The following C1QTNF1 variants were observed in gnomAD, a reference collection of about 807,000 sequenced individuals.
C1QTNF1 encodes the protein C1q and TNF related 1, also known as complement C1q tumor necrosis factor-related protein 1.
Under a neutral mutation model 27.8 loss-of-function variants are expected in C1QTNF1, and 22 were observed. The observed-to-expected ratio is 0.79, with a 90% CI of 0.56 to 1.13. The LOEUF (loss-of-function observed/expected upper bound fraction) is 1.13, where lower values mean the gene tolerates loss of function less well. C1QTNF1 is among the 50% of genes most tolerant of loss of function. The pLI is 0.00. For synonymous variants in C1QTNF1, 166 were observed against 154.3 expected, an observed-to-expected ratio of 1.08 and a Z score of -0.56; for missense variants, 373 against 380.2, an observed-to-expected ratio of 0.98 and a Z score of 0.16.
chr17:79,033,627 G>A (rs1367826327), intron 1 of C1QTNF1, among the ~76,000 whole-genome samples: 1 of 151,872 alleles, frequency 6.6e-6, no homozygotes, highest in African/African-American at 2.4e-5. Flanking sequence ...GATCACTTGG[G>A]TCCAAGGGTT....
intron 1 of C1QTNF1, among the ~76,000 whole-genome samples, chr17:79,035,286 G>C (rs1455242721): frequency 6.6e-6 from 1 of 152,134 alleles, no homozygotes; most frequent in Non-Finnish European, 1.5e-5. Context: ...AGCCGAGGGG[G>C]AGTGGACTCA....
intron 1 of C1QTNF1, among the ~76,000 whole-genome samples, chr17:79,036,619 G>A (rs775002084): frequency 6.6e-6 from 1 of 152,146 alleles, no homozygotes; most frequent in Non-Finnish European, 1.5e-5. Flanking sequence ...GTTCTAGAAT[G>A]TTACCCACTT....
At chr17:79,037,535 A>G (rs548369669) in intron 1 of C1QTNF1, among the ~76,000 whole-genome samples, 1 of 152,312 alleles carries the variant, frequency 6.6e-6, no homozygotes, top group East Asian at 1.9e-4. Flanking sequence ...AAGTGCTGGG[A>G]TTACAGGCGT....
Position 79,044,101 on chromosome 17 carries a change from T to C in C1QTNF1, c.133T>C (p.Ser45Pro). The change falls in exon 2 of 4, where the codon TCG (serine) becomes CCG (proline). Residue 45 changes from serine (S) to proline (P), a missense_variant. Physicochemically the swap from Ser to Pro is moderately conservative, Grantham distance 74. Coordinates refer to ENST00000579760, the MANE Select transcript of C1QTNF1 (RefSeq NM_030968.5). The stretch of plus-strand genomic sequence containing the variant: ...GTGGGAGGGGACTGAGGAGCTGCCG[T>C]CGCCTCCGGACCATGCCGAGAGGTG... ...QEWEGTEELPSPPDHAERAEE... is the reference protein window; with the variant it reads ...QEWEGTEELPPPPDHAERAEE... The C allele has an allele frequency of 6.2e-7, 1 of 1,613,028 alleles. No individual in the cohort carries two copies. Among genetic ancestry groups the C allele is most frequent in the Non-Finnish European group, 8.5e-7 (1 of 1,179,636 alleles).
Position 79,029,669 on chromosome 17 carries a change from C to A in C1QTNF1, c.-15+5175C>A, listed in dbSNP as rs142956495. 1.7e-3 allele frequency among the ~76,000 whole-genome samples: 256 copies of A among 152,322 alleles called. 1 individual carries two copies. The highest frequency in any genetic ancestry group is 5.9e-3 in the African/African-American group (244 of 41,576). ...CGGGGCTCCGTTTCCTTCTGTTTCACGGCTGCAGGCCACCGGCCCTACTCA... is the reference window on the plus strand; with the variant it reads ...CGGGGCTCCGTTTCCTTCTGTTTCAAGGCTGCAGGCCACCGGCCCTACTCA... On this transcript the variant is annotated intron_variant, in intron 1 of 3. Transcript: ENST00000579760.
intron 1 of C1QTNF1, chr17:79,043,226 CTG>C (rs1491250263): frequency 4.5e-5 from 20 of 441,744 alleles, no homozygotes; most frequent in East Asian, 1.4e-4. Context: ...GTGTGTGAAT[CTG>C]TGTGCATGTG....
chr17:79,024,082 G>A (rs1568056184), upstream of C1QTNF1: 1 of 152,564 alleles, frequency 6.6e-6, no homozygotes, highest in Non-Finnish European at 1.5e-5. Flanking sequence ...ATTTCCCTGA[G>A]GCGCGGCGCG....
In C1QTNF1 at chr17:79,048,291, C is replaced by A; in HGVS notation, c.*203C>A. 1 of 596,960 alleles carries A rather than the reference C, an allele frequency of 1.7e-6. No individual in the cohort carries two copies. Among genetic ancestry groups the A allele is most frequent in the Non-Finnish European group, 2.8e-6 (1 of 357,512 alleles). 37.0% of individuals were successfully genotyped at this position (596,960 alleles called of 1,614,324 possible). A position where few individuals can be genotyped will look rare whatever the true frequency, so the allele number is the denominator to read the frequency against. On this transcript the variant is annotated 3_prime_UTR_variant, in exon 4 of 4. Transcript: ENST00000579760. ...CTGACGGCAGATGAAATCACCAGGG[C>A]GGGGCACCCGCGAGAACCCTCTGGG...
chr17:79,043,062 C>CATGTGTGTGTGGGTTGCATGTGTGT (rs1381425569), intron 1 of C1QTNF1, among the ~76,000 whole-genome samples: 1 of 141,252 alleles, frequency 7.1e-6, no homozygotes, highest in African/African-American at 3.0e-5. Flanking sequence ...GTGTGGGTTG[C>CATGTGTGTGTGGGTTGCATGTGTGT]ATGTGTGTGT....
chr17:79,044,076 G>A lies in C1QTNF1; in HGVS notation c.108G>A (p.Glu36=), dbSNP rs770310241. 1.9e-6 allele frequency: 3 copies of A among 1,613,762 alleles called. No individual in the cohort carries two copies. The highest frequency in any genetic ancestry group is 1.1e-5 in the South Asian group (1 of 91,048). The change falls in exon 2 of 4, where the codon GAG becomes GAA. Residue 36 remains glutamate (E), a synonymous_variant. Transcript: ENST00000579760. ...RVPHVQGEQQ[E]WEGTEELPSP... ...CCCATGTCCAGGGGGAACAGCAGGA[G>A]TGGGAGGGGACTGAGGAGCTGCCGT...
At chr17:79,042,079 A>G (rs1568067975) in intron 1 of C1QTNF1, among the ~76,000 whole-genome samples, 1 of 152,198 alleles carries the variant, frequency 6.6e-6, no homozygotes, top group Non-Finnish European at 1.5e-5. Context: ...GACGCTTCTC[A>G]CCCACCTTCT....
At chr17:79,045,883 G>A (rs993530496) in intron 2 of C1QTNF1, among the ~76,000 whole-genome samples, 5 of 152,266 alleles carry the variant, frequency 3.3e-5, no homozygotes, top group Admixed American at 2.6e-4. Context: ...ACAGAGATCC[G>A]TTTCCTGGAT....
rs932686517 is a variant in C1QTNF1 at position 79,049,354 on chromosome 17, G to C, written c.*1266G>C. ...CCCGTGTCAGGATTCACTCTCAGGAGCTGGGTGGCAGGAGAGGCAATAGCC... is the reference window on the plus strand; with the variant it reads ...CCCGTGTCAGGATTCACTCTCAGGACCTGGGTGGCAGGAGAGGCAATAGCC... On this transcript the variant is annotated 3_prime_UTR_variant, in exon 4 of 4. Coordinates refer to ENST00000579760, the MANE Select transcript of C1QTNF1 (RefSeq NM_030968.5). The surrounding 1 kb of genome is among the most constrained non-coding windows in gnomAD (Gnocchi z 4.4). 8 of 152,386 alleles carry C rather than the reference G, an allele frequency of 5.2e-5. No homozygotes were observed. The highest frequency in any genetic ancestry group is 1.9e-4 in the African/African-American group (8 of 41,436). The allele number at this position is 152,386 out of a possible 1,614,324, so 9.4% of individuals were successfully genotyped here. A position where few individuals can be genotyped will look rare whatever the true frequency, so the allele number is the denominator to read the frequency against.
intron 1 of C1QTNF1, chr17:79,043,652 CTGTG>C (rs56804983): frequency 1.8e-5 from 9 of 507,850 alleles, no homozygotes; most frequent in African/African-American, 1.0e-4. Context: ...GTGTATGTGA[CTGTG>C]TGTGCATGTG....
intron 1 of C1QTNF1, among the ~76,000 whole-genome samples, chr17:79,036,890 G>A (rs1599291932): frequency 6.6e-6 from 1 of 152,182 alleles, no homozygotes; most frequent in Admixed American, 6.5e-5. Flanking sequence ...TAGGCTTCTT[G>A]CCTCTCAGAA....
chr17:79,039,333 G>C (rs2072340856), intron 1 of C1QTNF1, among the ~76,000 whole-genome samples: 1 of 152,178 alleles, frequency 6.6e-6, no homozygotes, highest in Admixed American at 6.5e-5. Flanking sequence ...CACCACAGGG[G>C]ATTATCTAGG....
At chr17:79,031,702 C>T (rs1382267245) in intron 1 of C1QTNF1, among the ~76,000 whole-genome samples, 1 of 152,194 alleles carries the variant, frequency 6.6e-6, no homozygotes, top group Non-Finnish European at 1.5e-5. Context: ...CCTCAGCCTC[C>T]CAAAGTGCTG....
intron 1 of C1QTNF1, among the ~76,000 whole-genome samples, chr17:79,038,270 G>T (rs372281896): frequency 6.6e-6 from 1 of 152,212 alleles, no homozygotes; most frequent in African/African-American, 2.4e-5. Flanking sequence ...GATTACAGGC[G>T]TGAGCCACCG....
chr17:79,031,830 A>G (rs1017226619), intron 1 of C1QTNF1, among the ~76,000 whole-genome samples: 40 of 152,364 alleles, frequency 2.6e-4, no homozygotes, highest in African/African-American at 9.6e-4. Context: ...CTTTGAAGCA[A>G]TAGACTTTCT....
Sources: gnomAD v4.1 joint callset for allele counts (sites outside exome capture counted in the v4.1 genomes callset) on GRCh38, gnomAD v4.1.1 for gene constraint, Gnocchi (gnomAD v3.1) non-coding constraint, MANE v1.5 for transcripts, NCBI Gene and HGNC (gene_info 2026-07-23, HGNC 2026-07-21) for gene names.